Variants in DMXL1 observed in about 807,000 individuals in gnomAD.
DMXL1 encodes Dmx like 1, also known as dmX-like protein 1.
Under a neutral mutation model 319.2 loss-of-function variants are expected in DMXL1, and 99 were observed. The observed-to-expected ratio is 0.31, with a 90% confidence interval of 0.26 to 0.37. DMXL1 has a LOEUF of 0.37. Ranked by LOEUF, DMXL1 falls within the 10% of genes least tolerant of loss-of-function variation. DMXL1 has a pLI of 1.00. For synonymous variants in DMXL1, 1,385 were observed against 1,235.2 expected, an observed-to-expected ratio of 1.12 and a Z score of -2.54; for missense variants, 3,745 against 3,595.6, an observed-to-expected ratio of 1.04 and a Z score of -1.06.
chr5:119,139,578 A>C (rs543780450), intron 13 of DMXL1, among the ~76,000 whole-genome samples: 2 of 152,218 alleles, frequency 1.3e-5, no homozygotes, highest in Non-Finnish European at 2.9e-5. Context: ...AGACCTAACT[A>C]TGGTAAATAT....
chr5:119,098,201 G>T, intron 2 of DMXL1, 97 bp downstream of exon 2: 3 of 1,404,540 alleles, frequency 2.1e-6, no homozygotes, highest in East Asian at 2.5e-5. Context: ...TAGAGACTTG[G>T]CTTTGTTTCA....
At chr5:119,123,681 G>A (rs952173858) in intron 9 of DMXL1, among the ~76,000 whole-genome samples, 35 of 121,746 alleles carry the variant, frequency 2.9e-4, no homozygotes, top group African/African-American at 1.1e-3. Context: ...TTTTTTATAG[G>A]CATGGAGTCT....
intron 31 of DMXL1, 23 bp downstream of exon 31, chr5:119,196,479 C>A: frequency 1.4e-6 from 2 of 1,449,226 alleles, no homozygotes; most frequent in Non-Finnish European, 1.9e-6. Flanking sequence ...TCAACATGAG[C>A]TAATGGTGCC....
At chr5:119,077,702 A>G (rs1490978574) in intron 1 of DMXL1, among the ~76,000 whole-genome samples, 1 of 131,326 alleles carries the variant, frequency 7.6e-6, no homozygotes, top group African/African-American at 3.0e-5. Context: ...GTGTATGTGT[A>G]TATATACACT....
chr5:119,232,181 G>A (rs1235438813), intron 38 of DMXL1, among the ~76,000 whole-genome samples: 1 of 152,002 alleles, frequency 6.6e-6, no homozygotes, highest in African/African-American at 2.4e-5. Flanking sequence ...TAATAGAAAA[G>A]TTGAGCGATT....
chr5:119,189,568 C>G, intron 28 of DMXL1, 140 bp from the exon 29 acceptor site: 1 of 731,236 alleles, frequency 1.4e-6, no homozygotes, highest in Non-Finnish European at 2.2e-6. Flanking sequence ...TATTTTCTTA[C>G]CTGCTGTGTA....
intron 15 of DMXL1, among the ~76,000 whole-genome samples, chr5:119,145,540 A>G (rs1012005565): frequency 6.6e-6 from 1 of 151,766 alleles, no homozygotes; most frequent in African/African-American, 2.4e-5. Context: ...TTGTATAAAC[A>G]AAACTATCCT....
At chr5:119,207,605 GC>G (rs1294429474) in intron 34 of DMXL1, among the ~76,000 whole-genome samples, 1 of 152,042 alleles carries the variant, frequency 6.6e-6, no homozygotes, top group Non-Finnish European at 1.5e-5. Context: ...TGCAACCTCT[GC>G]CCCCCAGGTT....
chr5:119,185,806 CT>C lies in DMXL1; in HGVS notation c.7136-3891del, dbSNP rs535567601. 7.1e-3 allele frequency among the ~76,000 whole-genome samples: 1,048 copies of C among 146,874 alleles called. 6 individuals carry two copies. The highest frequency in any genetic ancestry group is 0.011 in the Non-Finnish European group (713 of 66,160). On this transcript the variant is annotated intron_variant, in intron 28 of 43. Transcript: ENST00000539542. The stretch of plus-strand genomic sequence containing the variant: ...GCATGATCCACTGTGCCTGGCCAGA[CT>C]TTTTTTTTTTAATCACTAATCTTAT...
At chr5:119,156,353 CCATAGCT>C (rs1265139090) in intron 19 of DMXL1, among the ~76,000 whole-genome samples, 2 of 152,182 alleles carry the variant, frequency 1.3e-5, no homozygotes, top group African/African-American at 4.8e-5. Context: ...TATGATGTAA[CCATAGCT>C]TGTATATGCA....
At chr5:119,147,921 C>T (rs1768945096) in intron 17 of DMXL1, among the ~76,000 whole-genome samples, 1 of 152,156 alleles carries the variant, frequency 6.6e-6, no homozygotes, top group Non-Finnish European at 1.5e-5. Flanking sequence ...TAGAAATTGG[C>T]CACTCCATTT....
At chr5:119,096,543 T>C (rs1756017597) in intron 1 of DMXL1, among the ~76,000 whole-genome samples, 1 of 152,164 alleles carries the variant, frequency 6.6e-6, no homozygotes, top group Admixed American at 6.5e-5. Context: ...TGATAAAAAC[T>C]TTATGAACTC....
intron 35 of DMXL1, among the ~76,000 whole-genome samples, chr5:119,218,550 G>T (rs540117035): frequency 2.0e-5 from 3 of 152,108 alleles, no homozygotes; most frequent in Non-Finnish European, 2.9e-5. Flanking sequence ...TCTGCCTCCC[G>T]GGTTCAAGCG....
At chr5:119,093,034 C>CT (rs148607768) in intron 1 of DMXL1, among the ~76,000 whole-genome samples, 3,569 of 152,140 alleles carry the variant, frequency 0.023, 63 homozygotes, top group Non-Finnish European at 0.034. Context: ...TGCTCTTTCC[C>CT]TTATTGCACT....
chr5:119,212,693 A>T (rs745469449), intron 34 of DMXL1, among the ~76,000 whole-genome samples: 2 of 152,164 alleles, frequency 1.3e-5, no homozygotes. Context: ...CAAAGCATGA[A>T]ATCTTTACAG....
At chr5:119,136,200 G>T (rs1765960108) in intron 13 of DMXL1, among the ~76,000 whole-genome samples, 2 of 152,240 alleles carry the variant, frequency 1.3e-5, no homozygotes, top group African/African-American at 4.8e-5. Flanking sequence ...CTAGAGATCT[G>T]TGGAACTTTG....
chr5:119,226,112 C>T (rs1197466090), intron 38 of DMXL1, among the ~76,000 whole-genome samples: 2 of 152,104 alleles, frequency 1.3e-5, no homozygotes, highest in African/African-American at 2.4e-5. Flanking sequence ...CTCAAAGCTT[C>T]AAAGGTAATT....
chr5:119,164,916 A>AATAATATATATTTTACAAT (rs564686315), intron 20 of DMXL1, among the ~76,000 whole-genome samples: 6,762 of 152,104 alleles, frequency 0.044, 220 homozygotes, highest in South Asian at 0.071. Flanking sequence ...ATTTTTACAA[A>AATAATATATATTTTACAAT]ATAATATATA....
intron 2 of DMXL1, among the ~76,000 whole-genome samples, chr5:119,101,503 G>A (rs1035191017): frequency 1.3e-5 from 2 of 152,082 alleles, no homozygotes; most frequent in African/African-American, 4.8e-5. Context: ...ATGTACTCAG[G>A]GAGTTTCCAG....
Sources: gnomAD v4.1 joint callset for allele counts (sites outside exome capture counted in the v4.1 genomes callset) on GRCh38, gnomAD v4.1.1 for gene constraint, MANE v1.5 for transcripts, NCBI Gene and HGNC (gene_info 2026-07-23, HGNC 2026-07-21) for gene names.